Variants in DIAPH2 observed in about 807,000 individuals in gnomAD.
DIAPH2 encodes the protein diaphanous related formin 2.
Under a neutral mutation model 92.7 loss-of-function variants are expected in DIAPH2, and 35 were observed. The observed-to-expected ratio is 0.38, with a 90% CI of 0.29 to 0.50. The LOEUF is 0.50. DIAPH2 is among the 20% of genes least tolerant of loss of function. The pLI, the probability that DIAPH2 is intolerant of heterozygous loss-of-function variation, is 0.94. For missense variants in DIAPH2, 701 were observed against 819.5 expected, an observed-to-expected ratio of 0.86 and a Z score of 1.77; for synonymous variants, 301 against 280.4, an observed-to-expected ratio of 1.07 and a Z score of -0.73.
intron 24 of DIAPH2, among the ~76,000 whole-genome samples, chrX:97,349,077 T>G (rs1023360099): frequency 2.3e-5 from 2 of 88,831 alleles, no homozygotes; most frequent in East Asian, 4.0e-4. Context: ...TATATATATA[T>G]ATATATTTTT....
chrX:96,853,105 G>A (rs2065015750), intron 4 of DIAPH2, among the ~76,000 whole-genome samples: 1 of 111,615 alleles, frequency 9.0e-6, no homozygotes, highest in Non-Finnish European at 1.9e-5. Context: ...GCCAGTAAGT[G>A]TATTTCCATT....
intron 20 of DIAPH2, among the ~76,000 whole-genome samples, chrX:97,107,168 TTTTTTC>T (rs1456411291): frequency 7.2e-5 from 8 of 111,732 alleles, no homozygotes; most frequent in Non-Finnish European, 1.1e-4. Flanking sequence ...ATTATTTTTC[TTTTTTC>T]TTTTTCTTTT....
intron 26 of DIAPH2, among the ~76,000 whole-genome samples, chrX:97,438,352 TTTGTTTG>T (rs2070212950): frequency 1.3e-5 from 1 of 76,206 alleles, no homozygotes; most frequent in Non-Finnish European, 2.5e-5. Flanking sequence ...TTTTTTTTTG[TTTGTTTG>T]TTTTTTTTTT....
At chrX:96,899,873 A>G (rs1354998684) in intron 5 of DIAPH2, among the ~76,000 whole-genome samples, 1 of 111,033 alleles carries the variant, frequency 9.0e-6, no homozygotes, top group African/African-American at 3.3e-5. Context: ...TTTGTCATAG[A>G]TAGCTCTTAT....
At chrX:96,897,859 A>C (rs763320692) in intron 5 of DIAPH2, among the ~76,000 whole-genome samples, 2,148 of 75,625 alleles carry the variant, frequency 0.028, 121 homozygotes, top group African/African-American at 0.1. Context: ...ATATCTCCTA[A>C]AGCTATCCCT....
At chrX:97,187,973 A>G in intron 22 of DIAPH2, among the ~76,000 whole-genome samples, 1 of 111,803 alleles carries the variant, frequency 8.9e-6, no homozygotes, top group Non-Finnish European at 1.9e-5. Context: ...ATGGGTTTAG[A>G]TTTAGTTCTG....
chrX:97,042,514 A>G (rs1336293200), intron 17 of DIAPH2, among the ~76,000 whole-genome samples: 1 of 112,047 alleles, frequency 8.9e-6, no homozygotes, highest in African/African-American at 3.2e-5. Flanking sequence ...ACATTTTAAG[A>G]TAATGAATGC....
At chrX:97,507,166 A>AAAAAAAAAAAAAAAAAAC (rs2070842387) in intron 26 of DIAPH2, among the ~76,000 whole-genome samples, 1 of 92,038 alleles carries the variant, frequency 1.1e-5, no homozygotes, top group Admixed American at 1.3e-4. Context: ...AAAAAAAAAA[A>AAAAAAAAAAAAAAAAAAC]TCCCTACCTT....
chrX:97,403,397 T>C (rs772038874), intron 25 of DIAPH2, among the ~76,000 whole-genome samples: 2 of 112,440 alleles, frequency 1.8e-5, no homozygotes, highest in South Asian at 7.4e-4. Context: ...TCTTCTGATA[T>C]GTGAAGAAAT....
At chrX:96,732,611 A>G (rs2064062713) in intron 1 of DIAPH2, among the ~76,000 whole-genome samples, 1 of 112,021 alleles carries the variant, frequency 8.9e-6, no homozygotes, top group African/African-American at 3.2e-5. Context: ...ATCACACGTA[A>G]TTAGGATAAT....
chrX:97,267,055 C>T (rs1044143574), intron 23 of DIAPH2, among the ~76,000 whole-genome samples: 1 of 111,895 alleles, frequency 8.9e-6, no homozygotes, highest in Non-Finnish European at 1.9e-5. Context: ...TCTCTAATAT[C>T]TTCTATCAAA....
At chrX:97,438,382 T>TTTC (rs1569397556) in intron 26 of DIAPH2, among the ~76,000 whole-genome samples, 1 of 92,488 alleles carries the variant, frequency 1.1e-5, no homozygotes, top group African/African-American at 4.1e-5. Context: ...TTTTTTTTTT[T>TTTC]TGAGACAGGG....
intron 22 of DIAPH2, among the ~76,000 whole-genome samples, chrX:97,194,342 C>T (rs996391160): frequency 2.9e-5 from 3 of 104,174 alleles, no homozygotes; most frequent in Admixed American, 2.1e-4. Flanking sequence ...AGTGCAGTGG[C>T]GTGATCTTGG....
intron 22 of DIAPH2, among the ~76,000 whole-genome samples, chrX:97,171,715 C>T (rs755072135): frequency 2.7e-5 from 3 of 111,721 alleles, no homozygotes; most frequent in South Asian, 3.8e-4. Context: ...CCGCGACGGG[C>T]GGATCACAAG....
intron 19 of DIAPH2, among the ~76,000 whole-genome samples, chrX:97,084,528 T>G (rs1314769903): frequency 1.8e-5 from 2 of 111,427 alleles, no homozygotes; most frequent in African/African-American, 6.5e-5. Context: ...CTCTGTACTG[T>G]CTGAATCCCA....
intron 4 of DIAPH2, among the ~76,000 whole-genome samples, chrX:96,838,527 TTA>T (rs1344171216): frequency 2.7e-5 from 3 of 112,196 alleles, no homozygotes; most frequent in Non-Finnish European, 5.6e-5. Flanking sequence ...ATTACACCAT[TTA>T]TGTTAGTGTG....
chrX:97,337,088 A>C (rs1170636689), intron 23 of DIAPH2, among the ~76,000 whole-genome samples: 1 of 109,342 alleles, frequency 9.1e-6, no homozygotes, highest in African/African-American at 3.3e-5. Flanking sequence ...TCTTTGTTAT[A>C]TTATTTAAAT....
rs1602584054 is a variant in DIAPH2, at chrX:97,429,653, G to A, written c.3149G>A (p.Gly1050Asp). The A allele has an allele frequency of 8.3e-7, 1 of 1,207,686 alleles. No individual in the cohort carries two copies. The highest frequency in any genetic ancestry group is 1.1e-6 in the Non-Finnish European group (1 of 894,207). Reference sequence around the variant, plus strand: ...TCTGATTTCTCCCTTTCTCCAGAGGGTGATGAGACTGGTGTGATGGATAAT... The same window carrying A: ...TCTGATTTCTCCCTTTCTCCAGAGGATGATGAGACTGGTGTGATGGATAAT... ...KKQLIDINKE[G>D]DETGVMDNLL... The change falls in exon 26 of 27, where the codon GGT becomes GAT. Residue 1050 changes from glycine to aspartate, a missense_variant. Gly to Asp is a moderately conservative substitution (Grantham distance 94). Coordinates refer to ENST00000324765, the MANE Select transcript of DIAPH2 (RefSeq NM_006729.5).
At chrX:96,979,852 A>C (rs899779668) in intron 17 of DIAPH2, among the ~76,000 whole-genome samples, 1 of 111,903 alleles carries the variant, frequency 8.9e-6, no homozygotes, top group Non-Finnish European at 1.9e-5. Context: ...AACTGGAATG[A>C]GGGCACTGGA....
Sources: gnomAD v4.1 joint callset for allele counts (sites outside exome capture counted in the v4.1 genomes callset) on GRCh38, gnomAD v4.1.1 for gene constraint, MANE v1.5 for transcripts, NCBI Gene and HGNC (gene_info 2026-07-23, HGNC 2026-07-21) for gene names.